Variants in CHODL observed in about 807,000 individuals in gnomAD.
CHODL encodes transmembrane protein MT75.
A neutral mutation model predicts 34.5 loss-of-function variants in CHODL; 29 were observed. That is an observed-to-expected ratio of 0.84 (90% CI 0.63 to 1.15). The LOEUF is 1.15. Ranked by LOEUF, CHODL falls within the 50% of genes most tolerant of loss-of-function variation. CHODL has a pLI of 0.00. For missense variants in CHODL, 332 were observed against 332.5 expected, an observed-to-expected ratio of 1.00 and a Z score of 0.01; for synonymous variants, 125 against 116.1, an observed-to-expected ratio of 1.08 and a Z score of -0.49.
intron 2 of CHODL, among the ~76,000 whole-genome samples, chr21:18,088,270 C>G (rs2065031422): frequency 6.6e-6 from 1 of 152,120 alleles, no homozygotes; most frequent in Admixed American, 6.5e-5. Flanking sequence ...ATGTCTCAGT[C>G]TCAACAGCAG....
At chr21:18,003,648 A>G (rs1242928874) in intron 1 of CHODL, among the ~76,000 whole-genome samples, 1 of 152,182 alleles carries the variant, frequency 6.6e-6, no homozygotes, top group Non-Finnish European at 1.5e-5. Flanking sequence ...GGCTAAGAGA[A>G]ACATTTTATT....
At chr21:18,052,690 C>T (rs527662091) in intron 2 of CHODL, among the ~76,000 whole-genome samples, 2 of 152,050 alleles carry the variant, frequency 1.3e-5, no homozygotes, top group African/African-American at 2.4e-5. Flanking sequence ...AGTACTGACA[C>T]GTCTTTCCTG....
At chr21:17,979,236 G>A (rs543984157) in intron 1 of CHODL, among the ~76,000 whole-genome samples, 2 of 152,292 alleles carry the variant, frequency 1.3e-5, no homozygotes, top group South Asian at 2.1e-4. Context: ...CAGAAAAGAA[G>A]TGGAAGAAGG....
chr21:18,001,872 T>C (rs1204691197), intron 1 of CHODL, among the ~76,000 whole-genome samples: 1 of 150,056 alleles, frequency 6.7e-6, no homozygotes, highest in African/African-American at 2.4e-5. Flanking sequence ...AAATATAAAA[T>C]AGGTTACTTT....
intron 2 of CHODL, among the ~76,000 whole-genome samples, chr21:18,168,248 G>A (rs1374858106): frequency 6.6e-6 from 1 of 152,174 alleles, no homozygotes; most frequent in Non-Finnish European, 1.5e-5. Context: ...CCTTGTGATC[G>A]TGTGAGTCAA....
At chr21:18,183,833 G>C (rs536211695) in intron 2 of CHODL, among the ~76,000 whole-genome samples, 1 of 152,106 alleles carries the variant, frequency 6.6e-6, no homozygotes, top group Non-Finnish European at 1.5e-5. Context: ...AAAAAGAAAC[G>C]ATCAGTTGAA....
chr21:18,019,375 A>T (rs1183870759), intron 1 of CHODL, among the ~76,000 whole-genome samples: 1 of 152,158 alleles, frequency 6.6e-6, no homozygotes, highest in African/African-American at 2.4e-5. Flanking sequence ...ATTTGAAAAC[A>T]TAGATAGAAT....
chr21:18,085,966 C>T (rs1224749141), intron 2 of CHODL, among the ~76,000 whole-genome samples: 1 of 147,856 alleles, frequency 6.8e-6, no homozygotes. Flanking sequence ...TTTATTCTCT[C>T]TTTCCCCTAG....
At chr21:18,158,900 C>A (rs1444839077) in intron 2 of CHODL, among the ~76,000 whole-genome samples, 1 of 150,234 alleles carries the variant, frequency 6.7e-6, no homozygotes, top group Non-Finnish European at 1.5e-5. Flanking sequence ...ATTTACTCTT[C>A]AATTTTCTTA....
At chr21:18,064,136 A>G (rs544612135) in intron 2 of CHODL, among the ~76,000 whole-genome samples, 33 of 152,296 alleles carry the variant, frequency 2.2e-4, no homozygotes, top group African/African-American at 5.5e-4. Context: ...CAATTACAAT[A>G]TATTTTAAAT....
chr21:17,956,337 A>G lies in CHODL; in HGVS notation c.-145+38937A>G, dbSNP rs115441368. ...GCCTGCTCCACCTTTATCTTATGCC[A>G]TAATTGAAAGCCTCCTGAGGCCCCC... is the stretch of plus-strand genomic sequence containing the variant. On this transcript the variant is annotated intron_variant, in intron 1 of 6. Coordinates refer to the CHODL transcript ENST00000400127. 4.1e-3 allele frequency among the ~76,000 whole-genome samples: 565 copies of G among 136,190 alleles called. 52 individuals are homozygous for G. The highest frequency in any genetic ancestry group is 0.014 in the African/African-American group (552 of 39,862). 89.3% of individuals were successfully genotyped at this position (136,190 alleles called of 152,430 possible).
intron 1 of CHODL, among the ~76,000 whole-genome samples, chr21:17,942,396 G>T (rs2063372306): frequency 6.6e-6 from 1 of 152,100 alleles, no homozygotes; most frequent in Admixed American, 6.5e-5. Flanking sequence ...GTTGTATAAA[G>T]GGGAGTTTCC....
At chr21:18,136,745 T>C (rs2072736734) in intron 2 of CHODL, among the ~76,000 whole-genome samples, 1 of 141,298 alleles carries the variant, frequency 7.1e-6, no homozygotes, top group African/African-American at 2.8e-5. Flanking sequence ...TATATATATA[T>C]ATATATATGT....
At chr21:18,097,214 T>G (rs2065150532) in intron 2 of CHODL, among the ~76,000 whole-genome samples, 1 of 152,108 alleles carries the variant, frequency 6.6e-6, no homozygotes, top group Admixed American at 6.6e-5. Context: ...ACTGGAAGTC[T>G]TAGCTAGAAC....
In CHODL at chr21:18,115,955, T is replaced by A. The variant is rs75570709; in HGVS notation, c.-45+87984T>A. Among the ~76,000 whole-genome samples, 432 of 152,342 alleles carry A rather than the reference T, an allele frequency of 2.8e-3. 17 individuals carry two copies. The East Asian group carries it at 0.066, about 23-fold the overall frequency. On this transcript the variant is annotated intron_variant, in intron 2 of 6. Coordinates refer to the CHODL transcript ENST00000400127. ...GACACGTTCAGTGGCATTGGATTTTTTTTTTTAATTACTGCCTTTTTTGTT... is the reference window on the plus strand; with the variant it reads ...GACACGTTCAGTGGCATTGGATTTTATTTTTTAATTACTGCCTTTTTTGTT...
At chr21:18,023,222 AG>A (rs2064143604) in intron 1 of CHODL, among the ~76,000 whole-genome samples, 1 of 152,032 alleles carries the variant, frequency 6.6e-6, no homozygotes, top group Non-Finnish European at 1.5e-5. Flanking sequence ...GCTGGGGATA[AG>A]GGGGTGGGGA....
chr21:18,061,782 G>A (rs1408906027), intron 2 of CHODL, among the ~76,000 whole-genome samples: 1 of 152,172 alleles, frequency 6.6e-6, no homozygotes, highest in African/African-American at 2.4e-5. Flanking sequence ...CTGAGAGATC[G>A]AGATTTTGAA....
chr21:17,935,539 G>A (rs1046221660), intron 1 of CHODL, among the ~76,000 whole-genome samples: 4 of 152,010 alleles, frequency 2.6e-5, no homozygotes, highest in Non-Finnish European at 5.9e-5. Flanking sequence ...GAGACATTTG[G>A]GATTGTTTTG....
chr21:17,948,984 G>A (rs1174270958), intron 1 of CHODL, among the ~76,000 whole-genome samples: 1 of 152,142 alleles, frequency 6.6e-6, no homozygotes, highest in Non-Finnish European at 1.5e-5. Context: ...TGGGATACAT[G>A]TAACTATGGA....
Sources: allele counts gnomAD v4.1 joint callset (sites outside exome capture counted in the v4.1 genomes callset), GRCh38; gene constraint gnomAD v4.1.1; transcripts MANE v1.5; gene names NCBI Gene and HGNC (gene_info 2026-07-23, HGNC 2026-07-21).